Variants in DIAPH2 observed in about 807,000 individuals in gnomAD.
DIAPH2 encodes the protein protein diaphanous homolog 2.
Under a neutral mutation model 92.7 loss-of-function variants are expected in DIAPH2, and 35 were observed. The ratio of observed to expected loss-of-function variants is 0.38; its 90% CI spans 0.29 to 0.50. The LOEUF (loss-of-function observed/expected upper bound fraction) is 0.50, where lower values mean the gene tolerates loss of function less well. Ranked by LOEUF, DIAPH2 falls within the 20% of genes least tolerant of loss-of-function variation. The pLI, the probability that DIAPH2 is intolerant of heterozygous loss-of-function variation, is 0.94. For synonymous variants in DIAPH2, 301 were observed against 280.4 expected (o/e 1.07, Z -0.73); for missense variants, 701 against 819.5 (o/e 0.86, Z 1.77).
At chrX:96,751,533 G>A (rs1320116131) in intron 3 of DIAPH2, among the ~76,000 whole-genome samples, 1 of 100,116 alleles carries the variant, frequency 1.0e-5, no homozygotes, top group Non-Finnish European at 2.0e-5. Flanking sequence ...CCTAGATCTC[G>A]ACACTGCACT....
At chrX:97,194,691 G>A (rs749817556) in intron 22 of DIAPH2, among the ~76,000 whole-genome samples, 118 of 111,723 alleles carry the variant, frequency 1.1e-3, no homozygotes, top group African/African-American at 3.7e-3. Context: ...AAATAGTATT[G>A]TTATAGAGTT....
In DIAPH2 at chrX:97,055,033, A is replaced by G. The variant is rs186688663; in HGVS notation, c.2051-17908A>G. 8.9e-3 allele frequency among the ~76,000 whole-genome samples: 946 copies of G among 106,594 alleles called. 6 individuals are homozygous for G. The highest frequency in any genetic ancestry group is 0.014 in the Non-Finnish European group (707 of 51,691). 92.6% of individuals were successfully genotyped at this position (106,594 alleles called of 115,157 possible). ...ATTTTATTTATTTATTTATTTATTT[A>G]TTTGTTTATTTTAGCGACAGGGTCT... On this transcript the variant is annotated intron_variant, in intron 17 of 26. Coordinates refer to ENST00000324765, the MANE Select transcript of DIAPH2 (RefSeq NM_006729.5).
chrX:97,105,592 T>TAGAAA (rs2066934845), intron 20 of DIAPH2, among the ~76,000 whole-genome samples: 2 of 111,907 alleles, frequency 1.8e-5, no homozygotes, highest in African/African-American at 6.5e-5. Context: ...TTTAGACTCT[T>TAGAAA]CTGAGTGTCT....
chrX:96,964,893 A>G (rs957993221), intron 16 of DIAPH2, among the ~76,000 whole-genome samples, 200 bp from the exon 17 acceptor site: 4 of 111,411 alleles, frequency 3.6e-5, no homozygotes, highest in African/African-American at 3.3e-5. Flanking sequence ...GTCTATTTCT[A>G]TTGTTCACCA....
rs994468981 is a variant in DIAPH2, at chrX:96,697,294, C to T, written c.132+12104C>T. 1.0e-4 allele frequency among the ~76,000 whole-genome samples: 11 copies of T among 108,508 alleles called. No individual in the cohort carries two copies. The East Asian group carries it at 1.5e-3, about 14-fold the overall frequency. The allele number at this position is 108,508 out of a possible 115,157, so 94.2% of individuals were successfully genotyped here. The stretch of plus-strand genomic sequence containing the variant: ...GCAATCATTTTGTAGGTGAAGAAAA[C>T]GTCTCCAAGCAGATGAGTAACTGGC... On this transcript the variant is annotated intron_variant, in intron 1 of 26. Transcript: ENST00000324765.
At chrX:97,319,371 A>G (rs1376865094) in intron 23 of DIAPH2, among the ~76,000 whole-genome samples, 1 of 110,158 alleles carries the variant, frequency 9.1e-6, no homozygotes, top group East Asian at 2.8e-4. Context: ...ACGTTAAAGT[A>G]CTTCTCATAT....
chrX:97,198,649 T>C (rs2067723216), intron 22 of DIAPH2, among the ~76,000 whole-genome samples: 2 of 111,681 alleles, frequency 1.8e-5, no homozygotes, highest in African/African-American at 6.5e-5. Flanking sequence ...ATTAAAATTA[T>C]AACATCTTTA....
chrX:97,505,356 A>G (rs1028898972), intron 26 of DIAPH2, among the ~76,000 whole-genome samples: 5 of 112,152 alleles, frequency 4.5e-5, no homozygotes, highest in African/African-American at 1.6e-4. Flanking sequence ...GAAAAAACCC[A>G]AAGACTCAGA....
At chrX:96,867,540 G>A (rs1014515017) in intron 4 of DIAPH2, among the ~76,000 whole-genome samples, 3 of 111,283 alleles carry the variant, frequency 2.7e-5, no homozygotes, top group African/African-American at 9.8e-5. Flanking sequence ...TTCAAGTTAG[G>A]ATAGGACTTT....
At chrX:96,987,161 C>CT (rs201515730) in intron 17 of DIAPH2, among the ~76,000 whole-genome samples, 4,393 of 111,356 alleles carry the variant, frequency 0.039, 104 homozygotes, top group Middle Eastern at 0.084. Context: ...GATAAATTTA[C>CT]TTTGTTTCAC....
chrX:97,363,665 CAAAAAAAAAAAA>C (rs35245894), intron 24 of DIAPH2, among the ~76,000 whole-genome samples: 10 of 17,808 alleles, frequency 5.6e-4, no homozygotes, highest in East Asian at 2.0e-3. Context: ...GACTCTGCCT[CAAAAAAAAAAAA>C]AAAAAAAAAA....
chrX:97,565,226 T>C (rs758490299), intron 26 of DIAPH2, among the ~76,000 whole-genome samples: 1 of 111,973 alleles, frequency 8.9e-6, no homozygotes, highest in African/African-American at 3.2e-5. Context: ...CATGATCTTA[T>C]GCAAGCTTTT....
At chrX:97,031,673 G>A (rs1485845668) in intron 17 of DIAPH2, among the ~76,000 whole-genome samples, 6 of 111,223 alleles carry the variant, frequency 5.4e-5, no homozygotes, top group Non-Finnish European at 1.1e-4. Context: ...TGTGTCCTCG[G>A]GGAATGCAAG....
At chrX:96,976,744 C>T (rs1316486259) in intron 17 of DIAPH2, among the ~76,000 whole-genome samples, 1 of 110,781 alleles carries the variant, frequency 9.0e-6, no homozygotes, top group Non-Finnish European at 1.9e-5. Flanking sequence ...TACATATTGA[C>T]AATATGTGGT....
intron 17 of DIAPH2, among the ~76,000 whole-genome samples, chrX:97,009,944 T>C (rs1223105091): frequency 2.7e-5 from 3 of 111,692 alleles, no homozygotes; most frequent in Non-Finnish European, 5.7e-5. Context: ...ACCCTAATGG[T>C]ATCTCACTAA....
chrX:97,532,777 C>A (rs901475227), intron 26 of DIAPH2, among the ~76,000 whole-genome samples: 1 of 111,352 alleles, frequency 9.0e-6, no homozygotes, highest in Non-Finnish European at 1.9e-5. Context: ...AAAATAAAAC[C>A]CATATTAAGA....
chrX:97,226,044 A>G (rs1351678231), intron 22 of DIAPH2, among the ~76,000 whole-genome samples: 1 of 111,740 alleles, frequency 8.9e-6, no homozygotes, highest in Non-Finnish European at 1.9e-5. Flanking sequence ...TTAGCAGGAT[A>G]AGAGACTCAG....
At chrX:96,787,503 G>A (rs963165318) in intron 4 of DIAPH2, among the ~76,000 whole-genome samples, 15 of 109,901 alleles carry the variant, frequency 1.4e-4, no homozygotes, top group Non-Finnish European at 2.3e-4. Context: ...AAGGAAATTG[G>A]TTAAAAAATT....
intron 26 of DIAPH2, among the ~76,000 whole-genome samples, chrX:97,549,576 TC>T (rs762802970): frequency 8.9e-6 from 1 of 111,856 alleles, no homozygotes; most frequent in South Asian, 3.8e-4. Context: ...ATAAGAACAT[TC>T]TTTTGTATAA....
Sources: allele counts gnomAD v4.1 joint callset (sites outside exome capture counted in the v4.1 genomes callset), GRCh38; gene constraint gnomAD v4.1.1; transcripts MANE v1.5; gene names NCBI Gene and HGNC (gene_info 2026-07-23, HGNC 2026-07-21).